EFCAB5: variants seen among roughly 807,000 people sequenced by gnomAD.
EFCAB5 encodes EF-hand calcium-binding domain-containing protein 5.
Under a neutral mutation model 167.9 loss-of-function variants are expected in EFCAB5, and 131 were observed. That is an observed-to-expected ratio of 0.78 (90% CI 0.68 to 0.90). The LOEUF (loss-of-function observed/expected upper bound fraction) is 0.90, where lower values mean the gene tolerates loss of function less well. Among genes scored for constraint, EFCAB5 ranks in the 40% least tolerant of loss-of-function variants. The probability of loss-of-function intolerance (pLI) is 0.00; values close to 1 mark genes in which losing one functional copy is unlikely to be tolerated. For synonymous variants in EFCAB5, 574 were observed against 602.8 expected (o/e 0.95, Z 0.70); for missense variants, 1,663 against 1,745.2 (o/e 0.95, Z 0.84).
intron 14 of EFCAB5, among the ~76,000 whole-genome samples, chr17:30,067,000 C>T (rs965144298): frequency 1.2e-4 from 18 of 152,138 alleles, no homozygotes; most frequent in African/African-American, 2.9e-4. Context: ...ACAATTAACA[C>T]GATTTAATCT....
chr17:30,096,969 A>T (rs2071304111), intron 22 of EFCAB5, among the ~76,000 whole-genome samples: 1 of 140,912 alleles, frequency 7.1e-6, no homozygotes, highest in Admixed American at 7.1e-5. Flanking sequence ...ATGAGCCACC[A>T]CCCCGGTCAC....
intron 3 of EFCAB5, among the ~76,000 whole-genome samples, chr17:29,947,428 AG>A (rs1488726619): frequency 2.0e-5 from 3 of 152,118 alleles, no homozygotes; most frequent in African/African-American, 4.8e-5. Context: ...GGAGGGTGGA[AG>A]GAGGGGCAAG....
chr17:30,004,268 T>C (rs1438253744), intron 7 of EFCAB5, among the ~76,000 whole-genome samples: 1 of 152,218 alleles, frequency 6.6e-6, no homozygotes, highest in African/African-American at 2.4e-5. Flanking sequence ...GGGATCTTAT[T>C]TGCATCTTCT....
intron 7 of EFCAB5, among the ~76,000 whole-genome samples, chr17:30,009,318 C>A (rs545331459): frequency 6.6e-6 from 1 of 152,248 alleles, no homozygotes; most frequent in Non-Finnish European, 1.5e-5. Flanking sequence ...GGAGTACAAC[C>A]ATTAAAACAA....
chr17:30,089,132 A>T lies in EFCAB5; in HGVS notation c.3684-1289A>T, dbSNP rs193222657. Among the ~76,000 whole-genome samples the T allele has an allele frequency of 7.3e-5, 11 of 151,052 alleles. No individual in the cohort carries two copies. In the East Asian group the frequency reaches 2.1e-3, roughly 29 times the overall value. On this transcript the variant is annotated intron_variant, in intron 19 of 22. Transcript: ENST00000394835. The stretch of plus-strand genomic sequence containing the variant: ...CAGGCCCCGGTGTGTGATGTTCCCC[A>T]CCCTGTGTCCAAGTGTTCTCATTGT...
At chr17:29,962,566 G>A (rs2067741294) in intron 3 of EFCAB5, among the ~76,000 whole-genome samples, 1 of 150,274 alleles carries the variant, frequency 6.7e-6, no homozygotes, top group African/African-American at 2.5e-5. Context: ...GAACTCCTGG[G>A]CTCAAGCAAT....
intron 3 of EFCAB5, among the ~76,000 whole-genome samples, chr17:29,959,956 C>G (rs1171877908): frequency 6.6e-6 from 1 of 152,082 alleles, no homozygotes; most frequent in African/African-American, 2.4e-5. Flanking sequence ...TATTTAGAAC[C>G]CCAGAGCACT....
At chr17:30,099,501 T>C (rs1360426691) in intron 22 of EFCAB5, among the ~76,000 whole-genome samples, 1 of 152,210 alleles carries the variant, frequency 6.6e-6, no homozygotes, top group Non-Finnish European at 1.5e-5. Flanking sequence ...CTTTCTTTGT[T>C]TTATATCTCT....
At chr17:30,099,377 T>C (rs1275358134) in intron 22 of EFCAB5, among the ~76,000 whole-genome samples, 1 of 152,050 alleles carries the variant, frequency 6.6e-6, no homozygotes, top group Admixed American at 6.6e-5. Flanking sequence ...CAGTGGGCCA[T>C]GATCGTGCCA....
In EFCAB5 at chr17:29,964,363, C is replaced by T. The variant is rs572234884; in HGVS notation, c.191-4428C>T. ...GAGCTGGAGTGCAATGGTGTGATCT[C>T]GGCTCACTGTAACCTCCACCTTCTG... On this transcript the variant is annotated intron_variant, in intron 3 of 22. Transcript: ENST00000394835. Among the ~76,000 whole-genome samples, 9 of 151,944 alleles carry T rather than the reference C, an allele frequency of 5.9e-5. No homozygotes were observed. In the East Asian group the frequency reaches 7.8e-4, roughly 13 times the overall value.
chr17:29,987,003 G>C (rs1453866638), intron 4 of EFCAB5, among the ~76,000 whole-genome samples: 1 of 152,090 alleles, frequency 6.6e-6, no homozygotes, highest in Non-Finnish European at 1.5e-5. Flanking sequence ...CTGTGCCATA[G>C]AGTGATTACG....
chr17:30,099,799 C>G (rs1020009754), intron 22 of EFCAB5, among the ~76,000 whole-genome samples: 9 of 152,074 alleles, frequency 5.9e-5, no homozygotes, highest in Non-Finnish European at 1.3e-4. Context: ...CCTGAAGCTA[C>G]ATCTGCTTGG....
chr17:30,045,264 C>T (rs758894949), intron 8 of EFCAB5, among the ~76,000 whole-genome samples: 3 of 151,896 alleles, frequency 2.0e-5, no homozygotes, highest in Non-Finnish European at 4.4e-5. Flanking sequence ...CAAGACCAGT[C>T]TGGGCAACAT....
At chr17:30,012,276 C>T (rs973176409) in intron 7 of EFCAB5, among the ~76,000 whole-genome samples, 1 of 152,294 alleles carries the variant, frequency 6.6e-6, no homozygotes, top group Admixed American at 6.5e-5. Context: ...TGTGAAGGGG[C>T]TGACATTAGT....
intron 14 of EFCAB5, among the ~76,000 whole-genome samples, chr17:30,061,510 G>A (rs188517360): frequency 3.5e-4 from 53 of 152,230 alleles, no homozygotes; most frequent in African/African-American, 1.2e-3. Context: ...GGTTTCTGCT[G>A]GTGTCCTCAA....
intron 7 of EFCAB5, among the ~76,000 whole-genome samples, chr17:30,018,937 C>T (rs2069111316): frequency 1.3e-5 from 2 of 152,198 alleles, no homozygotes; most frequent in South Asian, 4.1e-4. Context: ...TTTTTGTAGT[C>T]CTTGTGCTTG....
rs193004608 is a variant in EFCAB5, at chr17:29,987,702, A to T, written c.768-5463A>T. Among the ~76,000 whole-genome samples the T allele has an allele frequency of 3.5e-4, 54 of 152,334 alleles. 1 individual carries two copies. The highest frequency in any genetic ancestry group is 3.3e-3 in the Admixed American group (51 of 15,296). On this transcript the variant is annotated intron_variant, in intron 4 of 22. Transcript: ENST00000394835. Reference sequence around the variant, plus strand: ...ACTATGGCTTGTCCTTGAGAATTATATGGGGTATCAGTAATGTGTTTAATA... The same window carrying T: ...ACTATGGCTTGTCCTTGAGAATTATTTGGGGTATCAGTAATGTGTTTAATA...
In EFCAB5 at chr17:29,985,195, G is replaced by T. The variant is rs563631313; in HGVS notation, c.768-7970G>T. ...AGTTTTTCCCCCATTCTCAACCTGG[G>T]TGATGCAGTTCTGGCTGCAAGGGTA... On this transcript the variant is annotated intron_variant, in intron 4 of 22. Coordinates refer to ENST00000394835, the MANE Select transcript of EFCAB5 (RefSeq NM_198529.4). Among the ~76,000 whole-genome samples, 3 of 152,286 alleles carry T rather than the reference G, an allele frequency of 2.0e-5. No homozygotes were observed. The East Asian group carries it at 5.8e-4, about 29-fold the overall frequency.
chr17:30,102,745 A>G (rs908166447), intron 22 of EFCAB5, among the ~76,000 whole-genome samples: 5 of 152,210 alleles, frequency 3.3e-5, no homozygotes, highest in African/African-American at 1.2e-4. Context: ...GGGGCGCAAG[A>G]AAAATATCAA....
Sources: gnomAD v4.1 joint callset for allele counts (sites outside exome capture counted in the v4.1 genomes callset) on GRCh38, gnomAD v4.1.1 for gene constraint, MANE v1.5 for transcripts, NCBI Gene and HGNC (gene_info 2026-07-23, HGNC 2026-07-21) for gene names.